The following WDR59 variants were observed in gnomAD, a reference collection of about 807,000 sequenced individuals.
WDR59 encodes the protein WD repeat domain 59.
In WDR59, 100 loss-of-function variants were observed where a neutral mutation model predicts 131.2. The observed-to-expected ratio is 0.76, with a 90% CI of 0.65 to 0.90. The LOEUF (loss-of-function observed/expected upper bound fraction) is 0.90. WDR59 is among the 40% of genes least tolerant of loss of function. WDR59 has a pLI of 0.00. For missense variants in WDR59, 1,203 were observed against 1,262.2 expected (o/e 0.95, Z 0.71); for synonymous variants, 601 against 466.2 (o/e 1.29, Z -3.72).
At chr16:74,904,798 G>A (rs1191876265) in intron 17 of WDR59, among the ~76,000 whole-genome samples, 1 of 152,044 alleles carries the variant, frequency 6.6e-6, no homozygotes, top group Non-Finnish European at 1.5e-5. Flanking sequence ...ATGTAGTGTT[G>A]GCATAAAGGA....
At chr16:74,889,973 C>T (rs539578755) in intron 20 of WDR59, among the ~76,000 whole-genome samples, 158 bp from the exon 21 acceptor site, 4 of 152,170 alleles carry the variant, frequency 2.6e-5, no homozygotes, top group African/African-American at 9.7e-5. Flanking sequence ...TTAGGCCCCA[C>T]TTAGACCTAC....
At chr16:74,936,386 T>C (rs1203709613) in intron 8 of WDR59, among the ~76,000 whole-genome samples, 1 of 152,078 alleles carries the variant, frequency 6.6e-6, no homozygotes, top group Non-Finnish European at 1.5e-5. Context: ...ACCTGCTTTA[T>C]TACCTAGGAA....
chr16:74,883,126 G>A (rs1028153612), intron 25 of WDR59, among the ~76,000 whole-genome samples: 1 of 144,654 alleles, frequency 6.9e-6, no homozygotes, highest in Non-Finnish European at 1.5e-5. Flanking sequence ...CCGAGCTCAA[G>A]TGATCCTCCT....
intron 25 of WDR59, 105 bp from the exon 26 acceptor site, chr16:74,874,549 TA>T: frequency 1.2e-6 from 1 of 848,070 alleles, no homozygotes. Context: ...CTCAAGACTC[TA>T]GCAGATTCTC....
At chr16:74,976,619 T>C (rs930264277) in intron 1 of WDR59, among the ~76,000 whole-genome samples, 9 of 151,954 alleles carry the variant, frequency 5.9e-5, no homozygotes, top group African/African-American at 2.2e-4. Context: ...TTTTCTGTAT[T>C]TTTAGTAGAG....
intron 23 of WDR59, 44 bp from the exon 24 acceptor site, chr16:74,886,440 G>A (rs767364728): frequency 2.5e-6 from 4 of 1,602,726 alleles, no homozygotes; most frequent in Non-Finnish European, 3.4e-6. Context: ...ATCAGAGAAG[G>A]CATGGAAAAT....
At chr16:74,902,315 G>A (rs1401072240) in intron 18 of WDR59, among the ~76,000 whole-genome samples, 1 of 152,068 alleles carries the variant, frequency 6.6e-6, no homozygotes, top group Non-Finnish European at 1.5e-5. Context: ...AGAACACTGG[G>A]AACCACCCCA....
chr16:74,904,336 G>A (rs546436268), intron 17 of WDR59: 54 of 453,324 alleles, frequency 1.2e-4, no homozygotes, highest in Non-Finnish European at 1.9e-4. Context: ...ACTAGAATAA[G>A]TGAATTTGAA....
intron 9 of WDR59, 65 bp downstream of exon 9, chr16:74,923,861 G>C: frequency 1.4e-6 from 2 of 1,401,136 alleles, no homozygotes; most frequent in Admixed American, 4.2e-5. Flanking sequence ...AAATGTCCCC[G>C]GGCTCCTTCT....
intron 17 of WDR59, chr16:74,908,687 T>C (rs1189668493): frequency 9.7e-6 from 4 of 412,006 alleles, no homozygotes; most frequent in Admixed American, 4.3e-5. Context: ...ATAGCTTTTA[T>C]CAAGCTACCT....
intron 21 of WDR59, among the ~76,000 whole-genome samples, chr16:74,889,416 T>C (rs1030023415): frequency 2.6e-5 from 4 of 152,198 alleles, no homozygotes; most frequent in African/African-American, 9.6e-5. Context: ...CTCAAACTCC[T>C]GTATTCAGAC....
chr16:74,958,426 C>A (rs973865216), intron 2 of WDR59, among the ~76,000 whole-genome samples: 2 of 150,752 alleles, frequency 1.3e-5, no homozygotes, highest in African/African-American at 4.9e-5. Context: ...CCTGTCTCTA[C>A]TAAAAATACT....
chr16:74,954,457 C>A (rs1259261957), intron 3 of WDR59, among the ~76,000 whole-genome samples: 2 of 152,194 alleles, frequency 1.3e-5, no homozygotes, highest in Non-Finnish European at 1.5e-5. Context: ...CACACCTTCA[C>A]ACCCACTAGG....
intron 2 of WDR59, among the ~76,000 whole-genome samples, chr16:74,957,071 C>CTT (rs909344421): frequency 7.1e-6 from 1 of 140,104 alleles, no homozygotes; most frequent in South Asian, 2.4e-4. Context: ...TCTTGAATAT[C>CTT]TTTTTTTTTC....
chr16:74,972,781 C>T (rs189248275), intron 1 of WDR59, among the ~76,000 whole-genome samples: 9 of 139,962 alleles, frequency 6.4e-5, no homozygotes, highest in African/African-American at 1.9e-4. Flanking sequence ...GAGATGGAGC[C>T]ACTGCATTCC....
chr16:74,876,022 G>A (rs776848352), intron 25 of WDR59, among the ~76,000 whole-genome samples: 4 of 151,796 alleles, frequency 2.6e-5, no homozygotes, highest in Non-Finnish European at 4.4e-5. Flanking sequence ...TGCCAGCCTC[G>A]TCTCTCACTT....
chr16:74,956,659 A>T (rs1375157664), intron 2 of WDR59, 49 bp from the exon 3 acceptor site: 1 of 1,593,842 alleles, frequency 6.3e-7, no homozygotes, highest in Admixed American at 1.7e-5. Context: ...CAACATCATT[A>T]GCATTAAGAT....
At chr16:74,922,764 T>C (rs1473332489) in intron 9 of WDR59, among the ~76,000 whole-genome samples, 1 of 152,210 alleles carries the variant, frequency 6.6e-6, no homozygotes, top group African/African-American at 2.4e-5. Context: ...CTCTTGGACT[T>C]TTCTGTTTAT....
chr16:74,970,854 AC>A (rs1168135767), intron 1 of WDR59, among the ~76,000 whole-genome samples: 13 of 151,948 alleles, frequency 8.6e-5, no homozygotes, highest in Admixed American at 7.9e-4. Flanking sequence ...GGAGTTCGAG[AC>A]CAGCCTGGAC....
Sources: gnomAD v4.1 joint callset for allele counts (sites outside exome capture counted in the v4.1 genomes callset) on GRCh38, gnomAD v4.1.1 for gene constraint, MANE v1.5 for transcripts, NCBI Gene and HGNC (gene_info 2026-07-23, HGNC 2026-07-21) for gene names.